CRAMP1: variants seen among roughly 807,000 people sequenced by gnomAD.
The protein encoded by CRAMP1 is protein cramped-like.
CRAMP1 carries 50 observed loss-of-function variants against 115.4 expected under a neutral mutation model. The ratio of observed to expected loss-of-function variants is 0.43; its 90% CI spans 0.35 to 0.55. The LOEUF (loss-of-function observed/expected upper bound fraction) is 0.55. CRAMP1 is among the 20% of genes least tolerant of loss of function. The pLI is 0.01. For synonymous variants in CRAMP1, 866 were observed against 745.4 expected, an observed-to-expected ratio of 1.16 and a Z score of -2.64; for missense variants, 1,679 against 1,721.7, an observed-to-expected ratio of 0.98 and a Z score of 0.44.
intron 4 of CRAMP1, among the ~76,000 whole-genome samples, chr16:1,634,109 G>A (rs2036567960): frequency 6.6e-6 from 1 of 152,252 alleles, no homozygotes; most frequent in African/African-American, 2.4e-5. Flanking sequence ...TCTCTATGGG[G>A]GAAGCTGGCC....
Position 1,662,602 on chromosome 16 carries a change from A to T in CRAMP1, c.2526A>T (p.Arg842=). The change falls in exon 12 of 21, where the codon CGA becomes CGT. Residue 842 remains arginine, a synonymous_variant. Coordinates refer to ENST00000397412, the MANE Select transcript of CRAMP1 (RefSeq NM_020825.4). ...CGACAACCTTGCCACCCAACAGCCGACACGGGAAGCTCTTCTCTCCCAGTA... is the reference window on the plus strand; with the variant it reads ...CGACAACCTTGCCACCCAACAGCCGTCACGGGAAGCTCTTCTCTCCCAGTA... ...AVPTTLPPNS[R]HGKLFSPSKE... is the part of the protein sequence containing the mutation. 4 of 1,613,972 alleles carry T rather than the reference A, an allele frequency of 2.5e-6. No individual in the cohort carries two copies. The highest frequency in any genetic ancestry group is 3.4e-6 in the Non-Finnish European group (4 of 1,179,884).
At chr16:1,636,424 C>G (rs1596486628) in intron 4 of CRAMP1, among the ~76,000 whole-genome samples, 1 of 151,958 alleles carries the variant, frequency 6.6e-6, no homozygotes, top group African/African-American at 2.4e-5. Context: ...GCCCTTAGGT[C>G]TTAGGTCTTT....
intron 6 of CRAMP1, among the ~76,000 whole-genome samples, chr16:1,651,955 G>T (rs1271090714): frequency 2.0e-5 from 3 of 151,760 alleles, no homozygotes; most frequent in Non-Finnish European, 4.4e-5. Context: ...GAAGTGGATT[G>T]AGGTCACACA....
At chr16:1,634,627 C>A (rs112256062) in intron 4 of CRAMP1, among the ~76,000 whole-genome samples, 425 of 152,238 alleles carry the variant, frequency 2.8e-3, no homozygotes, top group African/African-American at 9.7e-3. Flanking sequence ...GGTGTGACCC[C>A]ACATGATGTG....
At chr16:1,654,527 A>T (rs1005193651) in intron 8 of CRAMP1, among the ~76,000 whole-genome samples, 2 of 152,124 alleles carry the variant, frequency 1.3e-5, no homozygotes, top group African/African-American at 4.8e-5. Flanking sequence ...AGCCATTTCT[A>T]AGTTTGCAGT....
chr16:1,637,749 G>T (rs777557830), intron 4 of CRAMP1, 75 bp from the exon 5 acceptor site: 9 of 640,968 alleles, frequency 1.4e-5, no homozygotes, highest in Non-Finnish European at 2.0e-5. Context: ...CGTGAGCCTG[G>T]TGTGGCTCTC....
Position 1,666,177 on chromosome 16 carries a change from A to G in CRAMP1, c.2857A>G (p.Ser953Gly), listed in dbSNP as rs757961173. The change falls in exon 15 of 21, where the codon AGT becomes GGT. Residue 953 changes from serine to glycine, a missense_variant and splice_region_variant. Around this residue, in one of 8 missense-constraint regions of CRAMP1, gnomAD observed 709 missense variants for 741.9 expected, o/e 0.96. Transcript: ENST00000397412. The surrounding 1 kb of genome is among the most constrained non-coding windows in gnomAD (Gnocchi z 5.0). ...ACCCCAGGCCACGAGTCACCTGGCC[A>G]GTAAGTCTGTACCTGCATGGCCACA... ...LPPQATSHLA[S>G]AIDLAATSAG... 12 of 1,595,358 alleles carry G rather than the reference A, an allele frequency of 7.5e-6. No homozygotes were observed. In the East Asian group the frequency reaches 1.6e-4, roughly 21 times the overall value.
At chr16:1,639,797 C>G (rs748119863) in intron 5 of CRAMP1, among the ~76,000 whole-genome samples, 2 of 152,148 alleles carry the variant, frequency 1.3e-5, no homozygotes, top group Non-Finnish European at 2.9e-5. Flanking sequence ...GTGTCTGGTC[C>G]GTTTGTTACT....
intron 2 of CRAMP1, among the ~76,000 whole-genome samples, chr16:1,615,339 C>T (rs745583738): frequency 2.0e-5 from 3 of 152,164 alleles, no homozygotes; most frequent in Non-Finnish European, 4.4e-5. Context: ...AAAATACCTG[C>T]TGTATCTCTT....
rs1399451898 is a variant in CRAMP1, at chr16:1,614,248, G to C, written c.-1-391G>C. ...CCCCGCCGGGTAGGTGGCTGTGGGC[G>C]GGGCAGCGGCCCGGACCCGCAACCG... is the stretch of plus-strand genomic sequence containing the variant. On this transcript the variant is annotated intron_variant, in intron 1 of 20. Coordinates refer to ENST00000397412, the MANE Select transcript of CRAMP1 (RefSeq NM_020825.4). This position sits in a 1 kb window ranked among gnomAD's most constrained non-coding sequence, Gnocchi z 4.4. Among the ~76,000 whole-genome samples, 1 of 147,284 alleles carries C rather than the reference G, an allele frequency of 6.8e-6. No homozygotes were observed. Among genetic ancestry groups the C allele is most frequent in the Non-Finnish European group, 1.5e-5 (1 of 66,050 alleles).
At chr16:1,622,890 T>C (rs1596482354) in intron 2 of CRAMP1, among the ~76,000 whole-genome samples, 1 of 151,796 alleles carries the variant, frequency 6.6e-6, no homozygotes, top group South Asian at 2.1e-4. Context: ...GTATCTGGAG[T>C]AGCTGGGACT....
At chr16:1,645,703 C>T (rs1370693004) in intron 6 of CRAMP1, among the ~76,000 whole-genome samples, 2 of 152,110 alleles carry the variant, frequency 1.3e-5, no homozygotes, top group African/African-American at 2.4e-5. Flanking sequence ...CCCCAGAAGC[C>T]ACTGGTCTCA....
chr16:1,631,288 C>T (rs759944184), intron 3 of CRAMP1, among the ~76,000 whole-genome samples: 1 of 152,226 alleles, frequency 6.6e-6, no homozygotes, highest in Non-Finnish European at 1.5e-5. Context: ...ATGCCATTGT[C>T]GGCTTTCTCG....
intron 8 of CRAMP1, 87 bp from the exon 9 acceptor site, chr16:1,655,132 C>A: frequency 8.3e-7 from 1 of 1,198,850 alleles, no homozygotes; most frequent in Non-Finnish European, 1.2e-6. Flanking sequence ...TTTTGGCACC[C>A]TCCTGCTGTA....
At chr16:1,619,607 A>G (rs1355943226) in intron 2 of CRAMP1, among the ~76,000 whole-genome samples, 3 of 152,230 alleles carry the variant, frequency 2.0e-5, no homozygotes, top group Non-Finnish European at 4.4e-5. Flanking sequence ...ATCTGCTGGT[A>G]TTTCATGAAG....
intron 6 of CRAMP1, among the ~76,000 whole-genome samples, chr16:1,650,635 GATACAT>G (rs2142193794): frequency 6.6e-6 from 1 of 152,278 alleles, no homozygotes; most frequent in Non-Finnish European, 1.5e-5. Flanking sequence ...TACAAATATA[GATACAT>G]ATAGAGATGA....
intron 2 of CRAMP1, among the ~76,000 whole-genome samples, chr16:1,625,472 G>A (rs1344486348): frequency 3.3e-5 from 5 of 152,302 alleles, no homozygotes; most frequent in African/African-American, 7.2e-5. Flanking sequence ...ATTCTTAGGC[G>A]TTGGACAGTT....
chr16:1,614,687 G>C lies in CRAMP1; in HGVS notation c.48G>C (p.Lys16Asn). The change falls in exon 2 of 21, where the codon AAG (lysine) becomes AAC (asparagine). Residue 16 changes from lysine (K) to asparagine (N), a missense_variant. Lys to Asn is a moderately conservative substitution (Grantham distance 94). Coordinates refer to ENST00000397412, the MANE Select transcript of CRAMP1 (RefSeq NM_020825.4). This position sits in a 1 kb window ranked among gnomAD's most constrained non-coding sequence, Gnocchi z 4.4. ...GDGGSGEDGLKKLGKRAADEE... is the reference protein window; with the variant it reads ...GDGGSGEDGLNKLGKRAADEE... ...GCGGCAGCGGGGAGGACGGGCTCAA[G>C]AAGCTGGGCAAGCGGGCGGCCGATG... 7.6e-7 allele frequency: 1 copy of C among 1,323,710 alleles called. No individual in the cohort carries two copies. Among genetic ancestry groups the C allele is most frequent in the Non-Finnish European group, 9.7e-7 (1 of 1,030,008 alleles). The allele number at this position is 1,323,710 out of a possible 1,614,324, so 82.0% of individuals were successfully genotyped here.
intron 6 of CRAMP1, among the ~76,000 whole-genome samples, chr16:1,644,529 G>A (rs560704357): frequency 1.3e-5 from 2 of 152,306 alleles, no homozygotes; most frequent in South Asian, 4.1e-4. Flanking sequence ...TGAAACTGAC[G>A]TGGCAGGTGG....
Sources: allele counts gnomAD v4.1 joint callset (sites outside exome capture counted in the v4.1 genomes callset), GRCh38; gene constraint gnomAD v4.1.1; regional missense constraint gnomAD v4.1.1; non-coding constraint Gnocchi (gnomAD v3.1); transcripts MANE v1.5; gene names NCBI Gene and HGNC (gene_info 2026-07-23, HGNC 2026-07-21).